FITM2: variants seen among roughly 807,000 people sequenced by gnomAD.
FITM2 encodes the protein acyl-coenzyme A diphosphatase FITM2.
FITM2 carries 16 observed loss-of-function variants against 23.3 expected under a neutral mutation model. The observed-to-expected ratio is 0.69, with a 90% CI of 0.47 to 1.05. FITM2 has a LOEUF of 1.05. FITM2 is among the 50% of genes least tolerant of loss of function. The pLI, the probability that FITM2 is intolerant of heterozygous loss-of-function variation, is 0.00. For missense variants in FITM2, 273 were observed against 327.5 expected (o/e 0.83, Z 1.29); for synonymous variants, 132 against 142.0 (o/e 0.93, Z 0.50).
chr20:44,309,099 A>G (rs1351590520), intron 1 of FITM2, among the ~76,000 whole-genome samples: 1 of 151,960 alleles, frequency 6.6e-6, no homozygotes, highest in Non-Finnish European at 1.5e-5. Flanking sequence ...GGTTCAAGCA[A>G]TTCTCCTGCC....
In FITM2 at chr20:44,307,161, C is replaced by A. The variant is rs771219892; in HGVS notation, c.253G>T (p.Gly85Cys). ...CGCCGCAGGACCAAGCCAGCCTTGCCGGTCAGATGGTAGTTGGTGAGGGCA... is the reference window on the plus strand; with the variant it reads ...CGCCGCAGGACCAAGCCAGCCTTGCAGGTCAGATGGTAGTTGGTGAGGGCA... ...FIALTNYHLT[G>C]KAGLVLRRLS... Residue 85 changes from glycine to cysteine, a missense_variant, in exon 2 of 2, where the codon GGC becomes TGC. Physicochemically the swap from Gly to Cys is radical, Grantham distance 159. This residue lies in a region of FITM2 where 123 missense variants were observed against 117.9 expected (regional missense o/e 1.04). Coordinates refer to ENST00000396825, the MANE Select transcript of FITM2 (RefSeq NM_001080472.4). 1.9e-6 allele frequency: 3 copies of A among 1,614,150 alleles called. No homozygotes were observed. The highest frequency in any genetic ancestry group is 1.3e-5 in the African/African-American group (1 of 75,040).
rs1308057223 is a variant in FITM2 at position 44,303,519 on chromosome 20, G to T, written c.*3106C>A. 6.6e-6 allele frequency: 1 copy of T among 152,298 alleles called. No homozygotes were observed. Among genetic ancestry groups the T allele is most frequent in the African/African-American group, 2.4e-5 (1 of 41,566 alleles). The allele number at this position is 152,298 out of a possible 1,614,324, so 9.4% of individuals were successfully genotyped here. On this transcript the variant is annotated 3_prime_UTR_variant, in exon 2 of 2. Coordinates refer to ENST00000396825, the MANE Select transcript of FITM2 (RefSeq NM_001080472.4). The stretch of plus-strand genomic sequence containing the variant: ...ATACAGTTAATTTAGTGCTGAGCCC[G>T]CATCAGACCCACGTGGGATAAATAT...
chr20:44,309,450 G>A (rs2062699339), intron 1 of FITM2, among the ~76,000 whole-genome samples: 3 of 152,166 alleles, frequency 2.0e-5, no homozygotes, highest in Admixed American at 2.0e-4. Context: ...AAAGTGCCTG[G>A]ATTACAGGTG....
In FITM2 at chr20:44,307,842, G is replaced by C. The variant is rs62206056; in HGVS notation, c.174-602C>G. 7.2e-3 allele frequency among the ~76,000 whole-genome samples: 1,090 copies of C among 151,892 alleles called. 12 individuals are homozygous for C. Among genetic ancestry groups the C allele is most frequent in the East Asian group, 0.049 (248 of 5,074 alleles). On this transcript the variant is annotated intron_variant, in intron 1 of 1. Transcript: ENST00000396825. ...GTGGCTCACGCCTGTAATCCCAGCA[G>C]TTTGGGAGGCCGAGGTGGGCAGATC...
rs2062704572 is a variant in FITM2, at chr20:44,311,164, C to T, written c.-16G>A. On this transcript the variant is annotated 5_prime_UTR_variant, in exon 1 of 2. Transcript: ENST00000396825. Reference sequence around the variant, plus strand: ...GATGCTCCATGCCGGATCTCGTCAGCCACCGTCCTCCTCTCCGTGCCCTCT... The same window carrying T: ...GATGCTCCATGCCGGATCTCGTCAGTCACCGTCCTCCTCTCCGTGCCCTCT... 1.2e-6 allele frequency: 2 copies of T among 1,606,482 alleles called. No homozygotes were observed. The highest frequency in any genetic ancestry group is 4.5e-5 in the East Asian group (2 of 44,596).
chr20:44,308,315 C>T (rs1424699661), intron 1 of FITM2, among the ~76,000 whole-genome samples: 1 of 152,084 alleles, frequency 6.6e-6, no homozygotes, highest in African/African-American at 2.4e-5. Flanking sequence ...TTACCAAATG[C>T]CAGGAGCTTT....
Position 44,311,140 on chromosome 20 carries a change from A to C in FITM2, c.9T>G (p.His3Gln), listed in dbSNP as rs763562381. ...GCAACAACCACTCGCAGCGCTCCAGATGCTCCATGCCGGATCTCGTCAGCC... is the reference window on the plus strand; with the variant it reads ...GCAACAACCACTCGCAGCGCTCCAGCTGCTCCATGCCGGATCTCGTCAGCC... The part of the protein sequence containing the change: ME[H>Q]LERCEWLLRG... The change falls in exon 1 of 2, where the codon CAT becomes CAG. Residue 3 changes from histidine (H) to glutamine (Q), a missense_variant. This residue lies in a region of FITM2 where 123 missense variants were observed against 117.9 expected (regional missense o/e 1.04). Coordinates refer to ENST00000396825, the MANE Select transcript of FITM2 (RefSeq NM_001080472.4). The C allele has an allele frequency of 2.5e-5, 41 of 1,612,328 alleles. 1 individual carries two copies. The South Asian group carries it at 4.3e-4, about 17-fold the overall frequency.
intron 1 of FITM2, among the ~76,000 whole-genome samples, chr20:44,310,291 TAAGCAAGCA>T (rs2062701451): frequency 6.6e-6 from 1 of 152,150 alleles, no homozygotes. Context: ...AAAAAGCAAG[TAAGCAAGCA>T]AAGGAGTGGA....
intron 1 of FITM2, among the ~76,000 whole-genome samples, chr20:44,309,001 ATT>A (rs34557644): frequency 2.1e-5 from 3 of 143,266 alleles, no homozygotes; most frequent in Admixed American, 6.9e-5. Flanking sequence ...GGACCAAATG[ATT>A]TTTTTTTTTT....
intron 1 of FITM2, among the ~76,000 whole-genome samples, chr20:44,308,211 G>A (rs866948960): frequency 3.9e-5 from 6 of 152,228 alleles, no homozygotes; most frequent in Admixed American, 2.6e-4. Flanking sequence ...GGCCAGAAGC[G>A]GAGGAGCCAG....
intron 1 of FITM2, among the ~76,000 whole-genome samples, chr20:44,310,421 C>T (rs774101061): frequency 3.3e-5 from 5 of 152,148 alleles, no homozygotes; most frequent in Non-Finnish European, 4.4e-5. Context: ...GGGGAAAGGG[C>T]ACAGACTAGG....
In FITM2 at chr20:44,306,886, C is replaced by T; in HGVS notation, c.528G>A (p.Val176=). ...GGAGGCAGTGGCTTCGGTCCGTCTT[C>T]ACCTCATGCAGCACAGACATCTCTT... ...IVEEMSVLHE[V]KTDRSHCLHT... is the part of the protein sequence containing the mutation. Residue 176 remains valine (V), a synonymous_variant, in exon 2 of 2, where the codon GTG becomes GTA. Coordinates refer to ENST00000396825, the MANE Select transcript of FITM2 (RefSeq NM_001080472.4). The T allele has an allele frequency of 1.2e-6, 2 of 1,614,200 alleles. No homozygotes were observed. Among genetic ancestry groups the T allele is most frequent in the East Asian group, 4.5e-5 (2 of 44,886 alleles).
rs1343076327 is a variant in FITM2 at position 44,311,087 on chromosome 20, C to T, written c.62G>A (p.Arg21Gln). Residue 21 changes from arginine to glutamine, a missense_variant, in exon 1 of 2, where the codon CGG (arginine) becomes CAG (glutamine). Arg to Gln is a conservative substitution (Grantham distance 43, BLOSUM62 1). Coordinates refer to ENST00000396825, the MANE Select transcript of FITM2 (RefSeq NM_001080472.4). ...LRGTLVRAAVRRYLPWALVAS... is the reference protein window; with the variant it reads ...LRGTLVRAAVQRYLPWALVAS... ...CACCAGGGCCCAGGGCAGGTAGCGC[C>T]GCACGGCCGCCCGCACCAGCGTCCC... is the stretch of plus-strand genomic sequence containing the variant. 2 of 1,612,524 alleles carry T rather than the reference C, an allele frequency of 1.2e-6. No individual in the cohort carries two copies. The highest frequency in any genetic ancestry group is 1.7e-6 in the Non-Finnish European group (2 of 1,179,542).
At chr20:44,309,746 A>C (rs1226275280) in intron 1 of FITM2, among the ~76,000 whole-genome samples, 4 of 152,170 alleles carry the variant, frequency 2.6e-5, no homozygotes, top group Non-Finnish European at 2.9e-5. Flanking sequence ...TCCAGGATCC[A>C]TGACTACCTT....
rs62206058 is a variant in FITM2, at chr20:44,309,064, G to A, written c.174-1824C>T. Among the ~76,000 whole-genome samples, 741 of 148,906 alleles carry A rather than the reference G, an allele frequency of 5.0e-3. 5 individuals carry two copies. Among genetic ancestry groups the A allele is most frequent in the Admixed American group, 0.01 (154 of 14,940 alleles). On this transcript the variant is annotated intron_variant, in intron 1 of 1. Transcript: ENST00000396825. ...CCCAGGAGTGCAGTGGCACGATCTC[G>A]GCTCACTGCAACCTCCGCCTCCCGG... is the stretch of plus-strand genomic sequence containing the variant.
intron 1 of FITM2, among the ~76,000 whole-genome samples, chr20:44,307,678 G>A (rs575172190): frequency 2.8e-4 from 43 of 152,002 alleles, no homozygotes; most frequent in Non-Finnish European, 5.4e-4. Context: ...CGGCCACCTT[G>A]GCCTCCCAAA....
Position 44,306,879 on chromosome 20 carries a change from C to A in FITM2, c.535G>T (p.Asp179Tyr). Residue 179 changes from aspartate (D) to tyrosine (Y), a missense_variant, in exon 2 of 2, where the codon GAC becomes TAC. Physicochemically the swap from Asp to Tyr is radical, Grantham distance 160. Around this residue, in one of 3 missense-constraint regions of FITM2, gnomAD observed 117 missense variants for 183.3 expected, o/e 0.64. Transcript: ENST00000396825. ...GCGGTGTGGAGGCAGTGGCTTCGGT[C>A]CGTCTTCACCTCATGCAGCACAGAC... is the stretch of plus-strand genomic sequence containing the variant. ...EMSVLHEVKT[D>Y]RSHCLHTAIT... The A allele has an allele frequency of 6.2e-7, 1 of 1,614,164 alleles. No homozygotes were observed. Among genetic ancestry groups the A allele is most frequent in the South Asian group, 1.1e-5 (1 of 91,076 alleles).
At chr20:44,310,129 C>G (rs1259210945) in intron 1 of FITM2, among the ~76,000 whole-genome samples, 1 of 152,190 alleles carries the variant, frequency 6.6e-6, no homozygotes, top group Non-Finnish European at 1.5e-5. Flanking sequence ...AAGCAGATAA[C>G]CAAAGTTGGG....
At chr20:44,308,074 G>A (rs923902910) in intron 1 of FITM2, among the ~76,000 whole-genome samples, 10 of 151,554 alleles carry the variant, frequency 6.6e-5, no homozygotes, top group Admixed American at 6.6e-5. Context: ...GCGATAGAGC[G>A]AGACTCCATC....
Sources: allele counts gnomAD v4.1 joint callset (sites outside exome capture counted in the v4.1 genomes callset), GRCh38; gene constraint gnomAD v4.1.1; regional missense constraint gnomAD v4.1.1; transcripts MANE v1.5; gene names NCBI Gene and HGNC (gene_info 2026-07-23, HGNC 2026-07-21).